The following NXPE2 variants were observed in gnomAD, a reference collection of about 807,000 sequenced individuals.
The protein encoded by NXPE2 is NXPE family member 2.
A neutral mutation model predicts 34.4 loss-of-function variants in NXPE2; 34 were observed. That is an observed-to-expected ratio of 0.99 (90% CI 0.75 to 1.31). NXPE2 has a LOEUF of 1.31. Among genes scored for constraint, NXPE2 ranks in the 40% most tolerant of loss-of-function variants. The pLI, the probability that NXPE2 is intolerant of heterozygous loss-of-function variation, is 0.00. For synonymous variants in NXPE2, 235 were observed against 231.3 expected, an observed-to-expected ratio of 1.02 and a Z score of -0.15; for missense variants, 649 against 672.5, an observed-to-expected ratio of 0.97 and a Z score of 0.39.
chr11:114,508,761 A>G, the NXPE2 span, among the ~76,000 whole-genome samples: 1 of 152,148 alleles, frequency 6.6e-6, no homozygotes, highest in Non-Finnish European at 1.5e-5. Context: ...ATTAAAAACC[A>G]TCTTTAAATG....
At chr11:114,806,468 T>C in the NXPE2 span, among the ~76,000 whole-genome samples, 15 of 151,692 alleles carry the variant, frequency 9.9e-5, no homozygotes, top group Non-Finnish European at 1.6e-4. Flanking sequence ...GACAAATGGA[T>C]AACTAGAATA....
the NXPE2 span, among the ~76,000 whole-genome samples, chr11:114,739,693 G>A: frequency 6.6e-6 from 1 of 151,982 alleles, no homozygotes. Flanking sequence ...GTGACTCATT[G>A]CATAACTGGA....
the NXPE2 span, among the ~76,000 whole-genome samples, chr11:114,725,976 A>ATATATATATATATATAT: frequency 5.3e-4 from 54 of 101,732 alleles, 2 homozygotes; most frequent in Admixed American, 9.9e-4. Context: ...ATAAAAAAAA[A>ATATATATATATATATAT]ATATATATAT....
At chr11:114,476,180 G>A in the NXPE2 span, among the ~76,000 whole-genome samples, 2 of 152,132 alleles carry the variant, frequency 1.3e-5, no homozygotes, top group Non-Finnish European at 2.9e-5. Flanking sequence ...ACCACCTGTA[G>A]TAATAGCTTT....
chr11:114,534,222 GT>G, the NXPE2 span, among the ~76,000 whole-genome samples: 1 of 152,200 alleles, frequency 6.6e-6, no homozygotes, highest in African/African-American at 2.4e-5. Context: ...GCAGCTGAGG[GT>G]TCTGACTGTT....
the NXPE2 span, among the ~76,000 whole-genome samples, chr11:114,537,967 C>T: frequency 1.3e-5 from 2 of 152,136 alleles, no homozygotes; most frequent in East Asian, 3.8e-4. Flanking sequence ...GCCCACATTG[C>T]CAAGTCAATC....
At chr11:114,755,620 C>A in the NXPE2 span, among the ~76,000 whole-genome samples, 1 of 152,106 alleles carries the variant, frequency 6.6e-6, no homozygotes, top group Admixed American at 6.5e-5. Flanking sequence ...ATCTATTTAT[C>A]CATCTTTCTA....
the NXPE2 span, among the ~76,000 whole-genome samples, chr11:114,635,468 C>T: frequency 0.056 from 8,401 of 151,012 alleles, 814 homozygotes; most frequent in African/African-American, 0.19. Context: ...CCTTCTCCTG[C>T]GTAATTGCCC....
chr11:114,758,781 GTATTTATTTACATATTTA>G, the NXPE2 span, among the ~76,000 whole-genome samples: 7 of 147,344 alleles, frequency 4.8e-5, no homozygotes, highest in Admixed American at 4.1e-4. Context: ...TTTCATATTT[GTATTTATTTACATATTTA>G]TATTTTATAT....
At chr11:114,749,550 T>C in the NXPE2 span, among the ~76,000 whole-genome samples, 1 of 152,354 alleles carries the variant, frequency 6.6e-6, no homozygotes, top group East Asian at 1.9e-4. Context: ...GAGGGCCAAC[T>C]GTACCTATAT....
the NXPE2 span, among the ~76,000 whole-genome samples, chr11:114,631,545 G>C: frequency 9.1e-6 from 1 of 109,938 alleles, no homozygotes. Flanking sequence ...AGGGGGGAGG[G>C]ATAGCACTGG....
chr11:114,736,371 C>T, the NXPE2 span, among the ~76,000 whole-genome samples: 1 of 152,096 alleles, frequency 6.6e-6, no homozygotes, highest in South Asian at 2.1e-4. Context: ...AGAGGCCCAC[C>T]CTCAGGGGTT....
chr11:114,661,067 C>A, the NXPE2 span, among the ~76,000 whole-genome samples: 3 of 152,084 alleles, frequency 2.0e-5, no homozygotes, highest in East Asian at 5.8e-4. Context: ...TACACAAGAT[C>A]TATATACTGC....
the NXPE2 span, among the ~76,000 whole-genome samples, chr11:114,757,422 A>G: frequency 2.0e-5 from 3 of 151,142 alleles, no homozygotes; most frequent in African/African-American, 7.3e-5. Context: ...TGACATTTCT[A>G]CTGGTAACAG....
At chr11:114,758,080 G>C in the NXPE2 span, among the ~76,000 whole-genome samples, 1 of 152,218 alleles carries the variant, frequency 6.6e-6, no homozygotes, top group Non-Finnish European at 1.5e-5. Context: ...CACAGGTGTA[G>C]AAAGAGTGAA....
the NXPE2 span, among the ~76,000 whole-genome samples, chr11:114,667,447 T>G: frequency 3.9e-5 from 6 of 152,086 alleles, no homozygotes; most frequent in Non-Finnish European, 8.8e-5. Context: ...AAGATGTCCA[T>G]AAATTCTTTG....
chr11:114,692,933 C>T (rs951062693), intron 2 of NXPE2, among the ~76,000 whole-genome samples: 7 of 152,122 alleles, frequency 4.6e-5, no homozygotes, highest in Non-Finnish European at 8.8e-5. Flanking sequence ...GGAGGAGGCA[C>T]ACAATACTTG....
chr11:114,484,969 T>G, the NXPE2 span, among the ~76,000 whole-genome samples: 1 of 152,200 alleles, frequency 6.6e-6, no homozygotes, highest in African/African-American at 2.4e-5. Context: ...AGTGTCCTTT[T>G]CTGCTAAATG....
At chr11:114,571,238 A>C in the NXPE2 span, 1 of 1,613,956 alleles carries the variant, frequency 6.2e-7, no homozygotes, top group Admixed American at 1.7e-5. Flanking sequence ...GGATAAAAAC[A>C]TCAATGGGAA....
Sources: gnomAD v4.1 joint callset for allele counts (sites outside exome capture counted in the v4.1 genomes callset) on GRCh38, gnomAD v4.1.1 for gene constraint, MANE v1.5 for transcripts, NCBI Gene and HGNC (gene_info 2026-07-23, HGNC 2026-07-21) for gene names.